The following CCDC7 variants were observed in gnomAD, a reference collection of about 807,000 sequenced individuals.
CCDC7 encodes the protein coiled-coil domain containing 7.
A neutral mutation model predicts 196.9 loss-of-function variants in CCDC7; 183 were observed. The observed-to-expected ratio is 0.93, with a 90% CI of 0.82 to 1.05. The LOEUF (loss-of-function observed/expected upper bound fraction) is 1.05. CCDC7 is among the 50% of genes least tolerant of loss of function. The probability of loss-of-function intolerance (pLI) is 0.00; values close to 1 mark genes in which losing one functional copy is unlikely to be tolerated. For synonymous variants in CCDC7, 525 were observed against 484.6 expected (o/e 1.08, Z -1.10); for missense variants, 1,540 against 1,482.2 (o/e 1.04, Z -0.64).
At chr10:32,712,615 G>C (rs1042670454) in intron 25 of CCDC7, among the ~76,000 whole-genome samples, 4 of 152,192 alleles carry the variant, frequency 2.6e-5, no homozygotes, top group African/African-American at 9.6e-5. Flanking sequence ...GATAGTTGGG[G>C]AATTTTGGAA....
chr10:32,753,909 A>T (rs2076023183), intron 28 of CCDC7, among the ~76,000 whole-genome samples: 1 of 152,122 alleles, frequency 6.6e-6, no homozygotes, highest in Admixed American at 6.6e-5. Context: ...GTAGATATAC[A>T]TCTGTTCCTG....
intron 23 of CCDC7, among the ~76,000 whole-genome samples, chr10:32,694,536 T>C (rs1321218498): frequency 6.6e-6 from 1 of 152,198 alleles, no homozygotes; most frequent in Non-Finnish European, 1.5e-5. Flanking sequence ...TTATGTAGTT[T>C]TGACTATTTT....
At chr10:32,841,440 G>A (rs2092965115) in intron 33 of CCDC7, among the ~76,000 whole-genome samples, 1 of 151,854 alleles carries the variant, frequency 6.6e-6, no homozygotes, top group African/African-American at 2.4e-5. Flanking sequence ...AAAAAGGTAG[G>A]AATATACTTA....
At position 32,729,326 on chromosome 10, in the gene CCDC7, A is replaced by C; in HGVS notation, c.2780-6A>C. On this transcript the variant is annotated splice_polypyrimidine_tract_variant and splice_region_variant and intron_variant, in intron 27 of 41. Transcript: ENST00000639629. ...TTCTATTGCACATCTATTTTTTTCT[A>C]TTTAGCGTTTCCTTTAGAAATCAAA... 6.4e-7 allele frequency: 1 copy of C among 1,552,496 alleles called. No individual in the cohort carries two copies. The highest frequency in any genetic ancestry group is 2.1e-5 in the Admixed American group (1 of 48,632).
At chr10:32,769,381 G>A in intron 28 of CCDC7, among the ~76,000 whole-genome samples, 1 of 127,978 alleles carries the variant, frequency 7.8e-6, no homozygotes, top group African/African-American at 2.5e-5. Flanking sequence ...ATGTTTACTT[G>A]GATTTTTTTT....
chr10:32,647,771 A>G (rs536219843), intron 20 of CCDC7, among the ~76,000 whole-genome samples: 68 of 152,234 alleles, frequency 4.5e-4, no homozygotes, highest in African/African-American at 1.5e-3. Context: ...CTCTGATTCT[A>G]TAGATTGTCT....
At chr10:32,606,801 T>C (rs1017457195) in intron 18 of CCDC7, among the ~76,000 whole-genome samples, 1 of 152,146 alleles carries the variant, frequency 6.6e-6, no homozygotes. Flanking sequence ...AGAAGGAAAT[T>C]GGCTTGAGTC....
At chr10:32,530,778 A>G (rs1429256083) in intron 11 of CCDC7, among the ~76,000 whole-genome samples, 3 of 152,104 alleles carry the variant, frequency 2.0e-5, no homozygotes, top group Non-Finnish European at 4.4e-5. Flanking sequence ...TTTTCTGGCC[A>G]GGACTTCCAG....
intron 18 of CCDC7, among the ~76,000 whole-genome samples, chr10:32,610,014 G>A (rs186406566): frequency 1.4e-4 from 20 of 146,226 alleles, no homozygotes; most frequent in Non-Finnish European, 2.4e-4. Flanking sequence ...TTTTTTTTGC[G>A]TATGTGTATG....
intron 28 of CCDC7, among the ~76,000 whole-genome samples, chr10:32,745,574 C>G (rs574324398): frequency 6.6e-6 from 1 of 152,194 alleles, no homozygotes; most frequent in African/African-American, 2.4e-5. Flanking sequence ...AGGGCAGCAC[C>G]AAGACATTCA....
intron 20 of CCDC7, among the ~76,000 whole-genome samples, chr10:32,648,206 T>G (rs1462569496): frequency 2.0e-5 from 3 of 152,208 alleles, no homozygotes; most frequent in African/African-American, 7.2e-5. Flanking sequence ...TTTGTACCAG[T>G]ACCAAACTGT....
rs555872614 is a variant in CCDC7, at chr10:32,700,872, A to G, written c.2458+5880A>G. Among the ~76,000 whole-genome samples, 133 of 152,076 alleles carry G rather than the reference A, an allele frequency of 8.7e-4. 1 individual carries two copies. Among genetic ancestry groups the G allele is most frequent in the Non-Finnish European group, 1.8e-3 (125 of 67,992 alleles). ...CTCTCTGTTTGTCTGTTATTGGTAT[A>G]TAAGAATACTTGTGAGTTTTGCACA... On this transcript the variant is annotated intron_variant, in intron 24 of 41. Transcript: ENST00000639629.
intron 21 of CCDC7, among the ~76,000 whole-genome samples, chr10:32,684,310 A>G (rs1457576177): frequency 6.6e-6 from 1 of 152,128 alleles, no homozygotes; most frequent in East Asian, 1.9e-4. Context: ...GGAGCTCCAC[A>G]TGGGCCTGAA....
intron 16 of CCDC7, among the ~76,000 whole-genome samples, chr10:32,572,207 G>A (rs1265135264): frequency 6.6e-6 from 1 of 152,014 alleles, no homozygotes; most frequent in Non-Finnish European, 1.5e-5. Flanking sequence ...TTATCATCAA[G>A]ATGCATGAGC....
Position 32,836,827 on chromosome 10 carries a change from G to A in CCDC7, c.3352+1929G>A, listed in dbSNP as rs537934737. ...ACTACAAAGCAGTTATTATAAATAG[G>A]TTCAGATATTTAACAAATGGTGCTG... is the stretch of plus-strand genomic sequence containing the variant. On this transcript the variant is annotated intron_variant, in intron 33 of 41. Coordinates refer to ENST00000639629, the Ensembl canonical transcript of CCDC7. 2.6e-5 allele frequency among the ~76,000 whole-genome samples: 4 copies of A among 152,144 alleles called. No homozygotes were observed. The South Asian group carries it at 8.3e-4, about 32-fold the overall frequency.
rs368846760 is a variant in CCDC7 at position 32,846,055 on chromosome 10, T to A, written c.3604+96T>A. ...ACCTTTAATGACAACAGTACCTGTA[T>A]CATAGTACTTTCCATAGCAAAAGAT... On this transcript the variant is annotated intron_variant, in intron 36 of 41. Coordinates refer to ENST00000639629, the Ensembl canonical transcript of CCDC7. The A allele has an allele frequency of 2.6e-4, 230 of 879,214 alleles. 4 individuals are homozygous for A. The South Asian group carries it at 3.3e-3, about 13-fold the overall frequency. 54.5% of individuals were successfully genotyped at this position (879,214 alleles called of 1,614,324 possible). A position where few individuals can be genotyped will look rare whatever the true frequency, so the allele number is the denominator to read the frequency against.
rs577023015 is a variant in CCDC7 at position 32,640,307 on chromosome 10, G to T, written c.2014+5149G>T. On this transcript the variant is annotated intron_variant, in intron 20 of 41. Coordinates refer to ENST00000639629, the Ensembl canonical transcript of CCDC7. Reference sequence around the variant, plus strand: ...TTACCATTATGTAATGGCTTTCTTTGTCTCTTTTGATCTTTGTTGGTTTAA... The same window carrying T: ...TTACCATTATGTAATGGCTTTCTTTTTCTCTTTTGATCTTTGTTGGTTTAA... 2.6e-5 allele frequency among the ~76,000 whole-genome samples: 4 copies of T among 152,128 alleles called. No individual in the cohort carries two copies. The East Asian group carries it at 7.7e-4, about 29-fold the overall frequency.
At chr10:32,801,646 G>T (rs945536260) in intron 29 of CCDC7, among the ~76,000 whole-genome samples, 2 of 152,182 alleles carry the variant, frequency 1.3e-5, no homozygotes, top group Admixed American at 6.5e-5. Flanking sequence ...CCAGGGGTCT[G>T]CCAGGACTTC....
chr10:32,712,937 G>T (rs1329711812), intron 25 of CCDC7, among the ~76,000 whole-genome samples: 1 of 152,140 alleles, frequency 6.6e-6, no homozygotes, highest in African/African-American at 2.4e-5. Context: ...CTTAAAGCTT[G>T]GCAATGAGGG....
Sources: allele counts gnomAD v4.1 joint callset (sites outside exome capture counted in the v4.1 genomes callset), GRCh38; gene constraint gnomAD v4.1.1; transcripts MANE v1.5; gene names NCBI Gene and HGNC (gene_info 2026-07-23, HGNC 2026-07-21).